C3orf49: variants seen among roughly 807,000 people sequenced by gnomAD.
C3orf49 encodes the protein chromosome 3 open reading frame 49, also known as putative uncharacterized protein C3orf49.
C3orf49 carries 27 observed loss-of-function variants against 13.3 expected under a neutral mutation model. The observed-to-expected ratio is 2.02, with a 90% confidence interval of 1.49 to 2.79. C3orf49 has a LOEUF of 2.79. Ranked by LOEUF, C3orf49 falls within the 30% of genes most tolerant of loss-of-function variation. The pLI is 0.00. For missense variants in C3orf49, 242 were observed against 134.2 expected (o/e 1.80, Z -3.97); for synonymous variants, 87 against 47.6 (o/e 1.83, Z -3.40).
intron 6 of C3orf49, among the ~76,000 whole-genome samples, chr3:63,847,204 T>A (rs1379383295): frequency 6.6e-6 from 1 of 152,158 alleles, no homozygotes; most frequent in East Asian, 1.9e-4. Flanking sequence ...ATAAAAAAAG[T>A]TCCTATAAAT....
chr3:63,810,646 G>A, the C3orf49 span, among the ~76,000 whole-genome samples: 3 of 152,112 alleles, frequency 2.0e-5, no homozygotes, highest in East Asian at 3.9e-4. Flanking sequence ...ATCTGTATTC[G>A]ATGGTGTCTT....
chr3:63,829,391 C>A (rs72888219), intron 3 of C3orf49, among the ~76,000 whole-genome samples: 4,809 of 152,060 alleles, frequency 0.032, 162 homozygotes, highest in African/African-American at 0.085. Context: ...GAAAATTGAC[C>A]CCTATCTCAC....
chr3:63,839,953 AGTTT>A (rs1239070792), intron 5 of C3orf49, among the ~76,000 whole-genome samples: 1 of 152,214 alleles, frequency 6.6e-6, no homozygotes, highest in Admixed American at 6.5e-5. Flanking sequence ...TGTTATGCAT[AGTTT>A]ATGTTATTGT....
the C3orf49 span, among the ~76,000 whole-genome samples, chr3:63,802,231 A>G: frequency 6.6e-6 from 1 of 152,206 alleles, no homozygotes; most frequent in Non-Finnish European, 1.5e-5. Context: ...TTGTTTCTGC[A>G]GAGACTAGCT....
chr3:63,824,095 T>C (rs1362195882), intron 2 of C3orf49, among the ~76,000 whole-genome samples: 3 of 152,104 alleles, frequency 2.0e-5, no homozygotes, highest in African/African-American at 2.4e-5. Context: ...GCCTTGCTCA[T>C]ACCTTTTGAG....
At chr3:63,796,335 C>A in the C3orf49 span, among the ~76,000 whole-genome samples, 3 of 152,242 alleles carry the variant, frequency 2.0e-5, no homozygotes, top group Middle Eastern at 0.01. Context: ...TAATATGATT[C>A]ATTCCCCTAC....
the C3orf49 span, among the ~76,000 whole-genome samples, chr3:63,809,453 G>A: frequency 6.6e-6 from 1 of 152,188 alleles, no homozygotes; most frequent in African/African-American, 2.4e-5. Flanking sequence ...ATATCAGTAA[G>A]CACATCTTAC....
the C3orf49 span, among the ~76,000 whole-genome samples, chr3:63,785,272 C>G: frequency 6.6e-6 from 1 of 151,642 alleles, no homozygotes; most frequent in African/African-American, 2.4e-5. Context: ...CAGGGTTTCA[C>G]TGTGTTAGCC....
the C3orf49 span, chr3:63,782,835 T>A: frequency 6.6e-6 from 1 of 152,250 alleles, no homozygotes. Context: ...CTTATGGCTA[T>A]GGGTTCTTAC....
the C3orf49 span, among the ~76,000 whole-genome samples, chr3:63,803,153 C>A: frequency 6.6e-6 from 1 of 152,274 alleles, no homozygotes; most frequent in Non-Finnish European, 1.5e-5. Context: ...AAGCTGTAAG[C>A]AAATCATGTC....
chr3:63,786,648 C>T, the C3orf49 span, among the ~76,000 whole-genome samples: 4 of 152,174 alleles, frequency 2.6e-5, no homozygotes, highest in African/African-American at 9.7e-5. Flanking sequence ...GTTTTCTTAA[C>T]CTGTCTTTGA....
At chr3:63,797,591 A>C in the C3orf49 span, among the ~76,000 whole-genome samples, 1 of 152,168 alleles carries the variant, frequency 6.6e-6, no homozygotes, top group East Asian at 1.9e-4. Context: ...CATCAAAGCT[A>C]CCAAGTATAT....
chr3:63,818,927 A>G (rs796768317), upstream of C3orf49, among the ~76,000 whole-genome samples: 1 of 152,226 alleles, frequency 6.6e-6, no homozygotes, highest in East Asian at 1.9e-4. Flanking sequence ...TGGCCTTGTC[A>G]TATGTGTCCC....
Position 63,819,946 on chromosome 3 carries a change from G to A in C3orf49, c.125+350G>A, listed in dbSNP as rs141261205. 1.1e-4 allele frequency among the ~76,000 whole-genome samples: 17 copies of A among 152,202 alleles called. No homozygotes were observed. In the East Asian group the frequency reaches 3.1e-3, roughly 28 times the overall value. ...TTGAAAAGTCATTAGTGCATTCTTC[G>A]AAATAGGTCCACGATCAGTGCTTTC... On this transcript the variant is annotated intron_variant, in intron 1 of 6. Coordinates refer to ENST00000295896, the MANE Select transcript of C3orf49 (RefSeq NM_001355236.2).
chr3:63,803,465 C>G, the C3orf49 span, among the ~76,000 whole-genome samples: 4 of 152,158 alleles, frequency 2.6e-5, no homozygotes, highest in African/African-American at 9.7e-5. Context: ...ATGGGAAGGA[C>G]AAGAGACAGA....
At chr3:63,818,665 A>G (rs1345979193), upstream of C3orf49, among the ~76,000 whole-genome samples, 2 of 152,196 alleles carry the variant, frequency 1.3e-5, no homozygotes, top group Admixed American at 6.5e-5. Flanking sequence ...TTAAGCATCT[A>G]GTTATTTGAC....
the C3orf49 span, among the ~76,000 whole-genome samples, chr3:63,806,503 G>A: frequency 0.021 from 3,179 of 152,322 alleles, 63 homozygotes; most frequent in South Asian, 0.075. Flanking sequence ...TAAGAGAACA[G>A]TATTAAGGAA....
chr3:63,811,924 AATTT>A, the C3orf49 span, among the ~76,000 whole-genome samples: 4 of 151,458 alleles, frequency 2.6e-5, no homozygotes, highest in African/African-American at 9.7e-5. Flanking sequence ...AAATAAAATT[AATTT>A]AAAATTAAAA....
chr3:63,847,086 G>A (rs986179808), intron 6 of C3orf49, among the ~76,000 whole-genome samples: 1 of 152,046 alleles, frequency 6.6e-6, no homozygotes, highest in East Asian at 1.9e-4. Flanking sequence ...TTGCGTAGGC[G>A]AATAGGAAGT....
Sources: gnomAD v4.1 joint callset for allele counts (sites outside exome capture counted in the v4.1 genomes callset) on GRCh38, gnomAD v4.1.1 for gene constraint, MANE v1.5 for transcripts, NCBI Gene and HGNC (gene_info 2026-07-23, HGNC 2026-07-21) for gene names.